The following MVB12B variants were observed in gnomAD, a reference collection of about 807,000 sequenced individuals.
MVB12B encodes the protein ESCRT-I complex subunit MVB12B.
MVB12B carries 16 observed loss-of-function variants against 41.6 expected under a neutral mutation model. The observed-to-expected ratio is 0.38, with a 90% CI of 0.26 to 0.58. MVB12B has a LOEUF of 0.58. Ranked by LOEUF, MVB12B falls within the 20% of genes least tolerant of loss-of-function variation. The probability of loss-of-function intolerance (pLI) is 0.62; values close to 1 mark genes in which losing one functional copy is unlikely to be tolerated. For missense variants in MVB12B, 274 were observed against 380.2 expected (o/e 0.72, Z 2.32); for synonymous variants, 133 against 139.7 (o/e 0.95, Z 0.34).
rs1331203316 is a variant in MVB12B, at chr9:126,389,326, A to G, written c.409+2668A>G. The stretch of plus-strand genomic sequence containing the variant: ...AGCTCTGTATCATCTGAGAGTATTC[A>G]AGACCCTGATTTTATACAGTCAGCC... On this transcript the variant is annotated intron_variant, in intron 4 of 9. Transcript: ENST00000361171. The surrounding 1 kb of genome is among the most constrained non-coding windows in gnomAD (Gnocchi z 4.4). 6.6e-6 allele frequency among the ~76,000 whole-genome samples: 1 copy of G among 152,162 alleles called. No individual in the cohort carries two copies. Among genetic ancestry groups the G allele is most frequent in the African/African-American group, 2.4e-5 (1 of 41,432 alleles).
rs1226680521 is a variant in MVB12B, at chr9:126,386,739, T to A, written c.409+81T>A. ...ATTTGTAGGTGTTTTTCTATGTGCATTTTTCTTCAGAAACACTTTTGGAGG... is the reference window on the plus strand; with the variant it reads ...ATTTGTAGGTGTTTTTCTATGTGCAATTTTCTTCAGAAACACTTTTGGAGG... On this transcript the variant is annotated intron_variant, in intron 4 of 9. Transcript: ENST00000361171. The surrounding 1 kb of genome is among the most constrained non-coding windows in gnomAD (Gnocchi z 4.3). The A allele has an allele frequency of 9.5e-7, 1 of 1,058,088 alleles. No individual in the cohort carries two copies. Among genetic ancestry groups the A allele is most frequent in the Non-Finnish European group, 1.4e-6 (1 of 698,512 alleles). The allele number at this position is 1,058,088 out of a possible 1,614,324, so 65.5% of individuals were successfully genotyped here. A position where few individuals can be genotyped will look rare whatever the true frequency, so the allele number is the denominator to read the frequency against.
chr9:126,405,723 C>G (rs1831400850), intron 6 of MVB12B, among the ~76,000 whole-genome samples: 1 of 150,936 alleles, frequency 6.6e-6, no homozygotes. Flanking sequence ...TTTAAAAGGC[C>G]TTTTGAGTTT....
chr9:126,499,297 A>G (rs1050147190), intron 9 of MVB12B, among the ~76,000 whole-genome samples: 1 of 151,958 alleles, frequency 6.6e-6, no homozygotes, highest in South Asian at 2.1e-4. Context: ...TGACAGTTAC[A>G]TCTCTTTCCC....
At chr9:126,402,442 A>G (rs1489859605) in intron 6 of MVB12B, among the ~76,000 whole-genome samples, 1 of 152,088 alleles carries the variant, frequency 6.6e-6, no homozygotes, top group East Asian at 1.9e-4. Context: ...GTTCAAAACA[A>G]GTCTGTGCAA....
At chr9:126,411,718 G>C (rs905213522) in intron 6 of MVB12B, among the ~76,000 whole-genome samples, 5 of 151,694 alleles carry the variant, frequency 3.3e-5, no homozygotes, top group Admixed American at 6.6e-5. Context: ...CCTGAGGTTG[G>C]CTCCAAAATC....
intron 6 of MVB12B, among the ~76,000 whole-genome samples, chr9:126,414,393 TCTC>T (rs1240277241): frequency 6.6e-6 from 1 of 152,142 alleles, no homozygotes; most frequent in African/African-American, 2.4e-5. Flanking sequence ...GAGAGCCCTG[TCTC>T]CTCCGGGCAG....
At chr9:126,470,646 C>CTGTGTGTGTGTGTGTG (rs143928729) in intron 7 of MVB12B, among the ~76,000 whole-genome samples, 32 of 143,620 alleles carry the variant, frequency 2.2e-4, no homozygotes, top group African/African-American at 7.6e-4. Context: ...AGTCAGTGCT[C>CTGTGTGTGTGTGTGTG]TGTGTGTGTG....
intron 2 of MVB12B, among the ~76,000 whole-genome samples, chr9:126,346,752 T>C (rs1829600106): frequency 6.6e-6 from 1 of 152,172 alleles, no homozygotes; most frequent in Non-Finnish European, 1.5e-5. Context: ...GGACTAAGCC[T>C]GAGCATCTGG....
chr9:126,337,135 C>T (rs1829306955), intron 1 of MVB12B, among the ~76,000 whole-genome samples: 1 of 152,222 alleles, frequency 6.6e-6, no homozygotes. Flanking sequence ...CTCGCAGCCA[C>T]AGCTGGGATG....
chr9:126,385,221 C>A (rs551338363), intron 3 of MVB12B, among the ~76,000 whole-genome samples: 1 of 152,120 alleles, frequency 6.6e-6, no homozygotes, highest in Non-Finnish European at 1.5e-5. Flanking sequence ...TACTGAGCAC[C>A]TGCTGTGTGG....
chr9:126,393,321 C>T (rs749027682), intron 5 of MVB12B, among the ~76,000 whole-genome samples: 13 of 152,206 alleles, frequency 8.5e-5, no homozygotes, highest in South Asian at 2.1e-4. Flanking sequence ...CCCCTGGCTC[C>T]GGTGCTGGGC....
intron 6 of MVB12B, among the ~76,000 whole-genome samples, chr9:126,401,667 A>C (rs1362060771): frequency 6.6e-6 from 1 of 152,204 alleles, no homozygotes; most frequent in Admixed American, 6.5e-5. Context: ...TGCCGTGGTG[A>C]TCTAGAATTC....
rs75328121 is a variant in MVB12B, at chr9:126,336,460, G to A, written c.82-4048G>A. ...ATCAGCTACAAGGGAGCAGTGTGCC[G>A]TCTGTATGAAGGGTCTTTATAGTTA... is the stretch of plus-strand genomic sequence containing the variant. On this transcript the variant is annotated intron_variant, in intron 1 of 9. Transcript: ENST00000361171. Among the ~76,000 whole-genome samples, 1,151 of 152,324 alleles carry A rather than the reference G, an allele frequency of 7.6e-3. 16 individuals carry two copies. Among genetic ancestry groups the A allele is most frequent in the African/African-American group, 0.026 (1,080 of 41,566 alleles).
chr9:126,365,419 G>A lies in MVB12B; in HGVS notation c.205-15645G>A, dbSNP rs528071894. 1.3e-3 allele frequency among the ~76,000 whole-genome samples: 193 copies of A among 148,330 alleles called. 1 individual carries two copies. Among genetic ancestry groups the A allele is most frequent in the African/African-American group, 4.5e-3 (179 of 40,154 alleles). ...GCAATCTTAGCTCACTGCAACCTTC[G>A]TCTCCCAGGTTCAAGTGATTCTCCT... On this transcript the variant is annotated intron_variant, in intron 2 of 9. Transcript: ENST00000361171.
chr9:126,460,191 G>A (rs926628135), intron 7 of MVB12B, among the ~76,000 whole-genome samples: 1 of 152,132 alleles, frequency 6.6e-6, no homozygotes, highest in Admixed American at 6.5e-5. Context: ...TCCTCGGCAG[G>A]GTGGACAAGG....
Position 126,386,681 on chromosome 9 carries a change from T to A in MVB12B, c.409+23T>A, listed in dbSNP as rs756043469. The stretch of plus-strand genomic sequence containing the variant: ...CACGTGAGTCATCCTTTAGTAGCAC[T>A]CATCACAATGAGCGTTTTCTTCCTC... On this transcript the variant is annotated intron_variant, in intron 4 of 9. Transcript: ENST00000361171. This position sits in a 1 kb window ranked among gnomAD's most constrained non-coding sequence, Gnocchi z 4.3. 7.3e-5 allele frequency: 111 copies of A among 1,519,654 alleles called. No individual in the cohort carries two copies. Among genetic ancestry groups the A allele is most frequent in the Non-Finnish European group, 1.1e-5 (12 of 1,094,636 alleles). The allele number at this position is 1,519,654 out of a possible 1,614,324, so 94.1% of individuals were successfully genotyped here.
At chr9:126,344,126 T>G (rs1208960983) in intron 2 of MVB12B, among the ~76,000 whole-genome samples, 1 of 152,030 alleles carries the variant, frequency 6.6e-6, no homozygotes, top group Non-Finnish European at 1.5e-5. Flanking sequence ...TTTAAATTGT[T>G]TATCTATCCA....
At chr9:126,396,290 T>A (rs1016542316) in intron 6 of MVB12B, 1 of 985,610 alleles carries the variant, frequency 1.0e-6, no homozygotes, top group Non-Finnish European at 1.2e-6. Context: ...AGTAACAGTC[T>A]CTACACTTTC....
chr9:126,436,261 G>A lies in MVB12B; in HGVS notation c.757+14313G>A, dbSNP rs1292180879. Among the ~76,000 whole-genome samples, 6 of 152,182 alleles carry A rather than the reference G, an allele frequency of 3.9e-5. No homozygotes were observed. The highest frequency in any genetic ancestry group is 1.2e-4 in the African/African-American group (5 of 41,452). ...TTGCCCTTTGATGATTGGGATGTTAGCAGATACGCCCTTTGAAACGGGAGC... is the reference window on the plus strand; with the variant it reads ...TTGCCCTTTGATGATTGGGATGTTAACAGATACGCCCTTTGAAACGGGAGC... On this transcript the variant is annotated intron_variant, in intron 7 of 9. Coordinates refer to ENST00000361171, the MANE Select transcript of MVB12B (RefSeq NM_033446.3). The surrounding 1 kb of genome is among the most constrained non-coding windows in gnomAD (Gnocchi z 4.1).
Sources: allele counts gnomAD v4.1 joint callset (sites outside exome capture counted in the v4.1 genomes callset), GRCh38; gene constraint gnomAD v4.1.1; non-coding constraint Gnocchi (gnomAD v3.1); transcripts MANE v1.5; gene names NCBI Gene and HGNC (gene_info 2026-07-23, HGNC 2026-07-21).